FREM2: variants seen among roughly 807,000 people sequenced by gnomAD.
The protein encoded by FREM2 is FRAS1 related extracellular matrix 2.
A neutral mutation model predicts 219.9 loss-of-function variants in FREM2; 119 were observed. The observed-to-expected ratio is 0.54, with a 90% CI of 0.47 to 0.63. The LOEUF (loss-of-function observed/expected upper bound fraction) is 0.63, where lower values mean the gene tolerates loss of function less well. FREM2 is among the 30% of genes least tolerant of loss of function. The pLI, the probability that FREM2 is intolerant of heterozygous loss-of-function variation, is 0.00. For missense variants in FREM2, 4,030 were observed against 3,993.6 expected (o/e 1.01, Z -0.25); for synonymous variants, 1,562 against 1,522.8 (o/e 1.03, Z -0.60).
intron 2 of FREM2, among the ~76,000 whole-genome samples, chr13:38,733,670 TTA>T (rs1214928981): frequency 6.6e-6 from 1 of 152,174 alleles, no homozygotes; most frequent in Non-Finnish European, 1.5e-5. Context: ...ACTGTTTATT[TTA>T]TGTTATTTTA....
intron 2 of FREM2, among the ~76,000 whole-genome samples, chr13:38,714,930 C>CA (rs11302570): frequency 1.0e-3 from 152 of 147,924 alleles, no homozygotes; most frequent in Non-Finnish European, 1.8e-3. Context: ...ACTAAAAATA[C>CA]AAAAAAAAAA....
Position 38,784,779 on chromosome 13 carries a change from A to G in FREM2, c.5990A>G (p.Gln1997Arg). 1 of 1,614,198 alleles carries G rather than the reference A, an allele frequency of 6.2e-7. No homozygotes were observed. The highest frequency in any genetic ancestry group is 8.5e-7 in the Non-Finnish European group (1 of 1,180,020). The change falls in exon 6 of 24, where the codon CAA (glutamine) becomes CGA (arginine). Residue 1997 changes from glutamine to arginine, a missense_variant. Physicochemically the swap from Gln to Arg is conservative, Grantham distance 43. Coordinates refer to ENST00000280481, the MANE Select transcript of FREM2 (RefSeq NM_207361.6). ...ATCGGATCAGAGTTCCCAGGGGCTC[A>G]AGTTACAATCGTTCCTGACAAAGAT... ...GRIGSEFPGA[Q>R]VTIVPDKDDE... is the part of the protein sequence containing the mutation.
rs1230959209 is a variant in FREM2, at chr13:38,859,236, GT to G, written c.7216-49del. On this transcript the variant is annotated intron_variant, in intron 13 of 23. Transcript: ENST00000280481. ...ATGGCAGAGAACGGGAGAAGAATGC[GT>G]TCCACCTGTTCTACACTCTGTTCCT... 3 of 1,567,242 alleles carry G rather than the reference GT, an allele frequency of 1.9e-6. No homozygotes were observed. The African/African-American group carries it at 4.1e-5, about 21-fold the overall frequency.
At chr13:38,754,681 C>G (rs1376224419) in intron 2 of FREM2, among the ~76,000 whole-genome samples, 1 of 152,128 alleles carries the variant, frequency 6.6e-6, no homozygotes, top group Admixed American at 6.5e-5. Flanking sequence ...GTCCAGCTCT[C>G]CTCTGCAGGC....
chr13:38,709,986 TACACACACACACACACACACACACACAC>T (rs59108347), intron 2 of FREM2, among the ~76,000 whole-genome samples: 6 of 130,328 alleles, frequency 4.6e-5, no homozygotes, highest in African/African-American at 8.5e-5. Context: ...TAACTAAAAA[TACACACACACACACACACACACACACAC>T]ACACACACAC....
At chr13:38,742,141 A>C (rs890659593) in intron 2 of FREM2, among the ~76,000 whole-genome samples, 2 of 152,206 alleles carry the variant, frequency 1.3e-5, no homozygotes, top group African/African-American at 4.8e-5. Flanking sequence ...AAGTATCTCT[A>C]ACAGGTATTG....
intron 13 of FREM2, among the ~76,000 whole-genome samples, chr13:38,858,383 T>A (rs768234373): frequency 6.6e-6 from 1 of 152,028 alleles, no homozygotes; most frequent in African/African-American, 2.4e-5. Context: ...ATCATGAAAA[T>A]GATACAAATT....
At chr13:38,700,493 A>T (rs978334957) in intron 2 of FREM2, among the ~76,000 whole-genome samples, 1 of 152,112 alleles carries the variant, frequency 6.6e-6, no homozygotes, top group Non-Finnish European at 1.5e-5. Context: ...GTCCACACAC[A>T]TACACAGATC....
chr13:38,865,195 T>C (rs1179433174), intron 16 of FREM2, among the ~76,000 whole-genome samples: 2 of 152,224 alleles, frequency 1.3e-5, no homozygotes, highest in East Asian at 1.9e-4. Context: ...TTAAAACTTA[T>C]TGTTATTTGC....
At chr13:38,794,786 C>T (rs1483312172) in intron 6 of FREM2, among the ~76,000 whole-genome samples, 1 of 151,870 alleles carries the variant, frequency 6.6e-6, no homozygotes, top group African/African-American at 2.4e-5. Flanking sequence ...AGAAGAATGC[C>T]CAGTTCAATG....
At chr13:38,845,735 C>CT (rs1286523453) in intron 6 of FREM2, among the ~76,000 whole-genome samples, 1 of 152,116 alleles carries the variant, frequency 6.6e-6, no homozygotes, top group African/African-American at 2.4e-5. Context: ...GGTCAGCTGA[C>CT]TGCTAAACCT....
Position 38,688,338 on chromosome 13 carries a change from C to G in FREM2, c.994C>G (p.Gln332Glu). Residue 332 changes from glutamine (Q) to glutamate (E), a missense_variant, in exon 1 of 24, where the codon CAG becomes GAG. This residue lies in a region of FREM2 where 3,102 missense variants were observed against 2,950.7 expected (regional missense o/e 1.05). Coordinates refer to ENST00000280481, the MANE Select transcript of FREM2 (RefSeq NM_207361.6). Reference sequence around the variant, plus strand: ...GGCCATGATGATGATGGAGGTGGACCAGTTTGTACTGACGGCCCTGACCCC... The same window carrying G: ...GGCCATGATGATGATGGAGGTGGACGAGTTTGTACTGACGGCCCTGACCCC... ...FVAMMMMEVDQFVLTALTPDM... is the reference protein window; with the variant it reads ...FVAMMMMEVDEFVLTALTPDM... 6.2e-7 allele frequency: 1 copy of G among 1,614,190 alleles called. No individual in the cohort carries two copies. The highest frequency in any genetic ancestry group is 1.6e-4 in the Middle Eastern group (1 of 6,062).
intron 2 of FREM2, among the ~76,000 whole-genome samples, chr13:38,744,768 A>AG (rs1490666836): frequency 3.3e-5 from 5 of 152,252 alleles, no homozygotes; most frequent in African/African-American, 1.2e-4. Flanking sequence ...CTGGGATTAC[A>AG]GGCGTAAGCC....
At chr13:38,775,518 T>A (rs1414353603) in intron 4 of FREM2, among the ~76,000 whole-genome samples, 7 of 152,230 alleles carry the variant, frequency 4.6e-5, no homozygotes, top group African/African-American at 1.4e-4. Flanking sequence ...GCAAAAAAGG[T>A]GCAAAATAAA....
chr13:38,866,750 G>T (rs1340334706), intron 16 of FREM2, among the ~76,000 whole-genome samples: 2 of 151,308 alleles, frequency 1.3e-5, no homozygotes, highest in African/African-American at 4.9e-5. Context: ...TTACCCTTAA[G>T]AATGTTTTCT....
intron 6 of FREM2, among the ~76,000 whole-genome samples, chr13:38,812,177 A>G (rs948181245): frequency 2.6e-5 from 4 of 151,888 alleles, no homozygotes; most frequent in African/African-American, 9.7e-5. Flanking sequence ...TTTTCAGTCT[A>G]TGTGTATCTT....
rs1877323098 is a variant in FREM2 at position 38,850,270 on chromosome 13, G to T, written c.6577+35G>T. 3.2e-6 allele frequency: 5 copies of T among 1,557,766 alleles called. 1 individual carries two copies. The East Asian group carries it at 9.0e-5, about 28-fold the overall frequency. ...AACTTGAAATTTTTTCGTGAAATTT[G>T]AAGAAGCCGAATTTTTACTCAGAAA... On this transcript the variant is annotated intron_variant, in intron 9 of 23. Coordinates refer to ENST00000280481, the MANE Select transcript of FREM2 (RefSeq NM_207361.6).
intron 6 of FREM2, among the ~76,000 whole-genome samples, chr13:38,794,089 G>A (rs2137841839): frequency 6.6e-6 from 1 of 152,262 alleles, no homozygotes; most frequent in African/African-American, 2.4e-5. Context: ...GAGGCATTGT[G>A]ACAAGCTCTC....
intron 6 of FREM2, among the ~76,000 whole-genome samples, chr13:38,795,150 T>C (rs979242549): frequency 6.6e-6 from 1 of 152,016 alleles, no homozygotes; most frequent in Non-Finnish European, 1.5e-5. Context: ...GGGAGGAAAT[T>C]GGCATGGAAT....
Sources: allele counts gnomAD v4.1 joint callset (sites outside exome capture counted in the v4.1 genomes callset), GRCh38; gene constraint gnomAD v4.1.1; regional missense constraint gnomAD v4.1.1; transcripts MANE v1.5; gene names NCBI Gene and HGNC (gene_info 2026-07-23, HGNC 2026-07-21).